Variants in MAST2 observed in about 807,000 individuals in gnomAD.
The protein encoded by MAST2 is microtubule-associated serine/threonine-protein kinase 2.
In MAST2, 70 loss-of-function variants were observed where a neutral mutation model predicts 147.4. The ratio of observed to expected loss-of-function variants is 0.47; its 90% CI spans 0.39 to 0.58. MAST2 has a LOEUF of 0.58. Ranked by LOEUF, MAST2 falls within the 20% of genes least tolerant of loss-of-function variation. The pLI is 0.00. For missense variants in MAST2, 2,080 were observed against 2,302.3 expected, an observed-to-expected ratio of 0.90 and a Z score of 1.98; for synonymous variants, 869 against 896.8, an observed-to-expected ratio of 0.97 and a Z score of 0.55.
intron 5 of MAST2, among the ~76,000 whole-genome samples, chr1:45,985,865 A>G (rs550674264): frequency 4.6e-5 from 7 of 152,306 alleles, no homozygotes; most frequent in Admixed American, 2.0e-4. Flanking sequence ...TTATGCAATT[A>G]TAAGTGGTAT....
intron 5 of MAST2, among the ~76,000 whole-genome samples, chr1:45,964,961 T>A (rs916330790): frequency 6.6e-6 from 1 of 152,206 alleles, no homozygotes; most frequent in Admixed American, 6.5e-5. Flanking sequence ...TATTTCTGCC[T>A]TCATTTCGTT....
At chr1:45,953,142 A>C (rs890890838) in intron 4 of MAST2, among the ~76,000 whole-genome samples, 2 of 152,152 alleles carry the variant, frequency 1.3e-5, no homozygotes, top group African/African-American at 4.8e-5. Flanking sequence ...AGACAAGAAC[A>C]CCTATTAAAC....
At chr1:45,847,665 C>G (rs1248498773) in intron 3 of MAST2, 1 of 395,772 alleles carries the variant, frequency 2.5e-6, no homozygotes, top group African/African-American at 2.1e-5. Context: ...GCAGTCTCAC[C>G]AACCACAAGA....
At chr1:45,917,746 A>G (rs758016598) in intron 4 of MAST2, among the ~76,000 whole-genome samples, 1 of 152,168 alleles carries the variant, frequency 6.6e-6, no homozygotes, top group Non-Finnish European at 1.5e-5. Flanking sequence ...TGAGGCTATT[A>G]TAAGTTGTGT....
chr1:45,825,606 T>A (rs541735542), intron 2 of MAST2, among the ~76,000 whole-genome samples: 13 of 151,606 alleles, frequency 8.6e-5, no homozygotes, highest in African/African-American at 2.2e-4. Context: ...CTAATTTTTT[T>A]ATTTTTGGTA....
At chr1:45,848,842 G>C (rs1436357003) in intron 3 of MAST2, among the ~76,000 whole-genome samples, 1 of 152,004 alleles carries the variant, frequency 6.6e-6, no homozygotes. Flanking sequence ...CCATCATCTT[G>C]GCCCAAAAGC....
chr1:45,932,801 T>A (rs1452775257), intron 4 of MAST2, among the ~76,000 whole-genome samples: 1 of 152,164 alleles, frequency 6.6e-6, no homozygotes, highest in Non-Finnish European at 1.5e-5. Context: ...GGGAAGTTTC[T>A]TCAGGCTGAC....
intron 4 of MAST2, among the ~76,000 whole-genome samples, chr1:45,910,589 T>C (rs1651518080): frequency 6.6e-6 from 1 of 152,220 alleles, no homozygotes; most frequent in African/African-American, 2.4e-5. Context: ...TGTGTGCTAC[T>C]GTTAGGAATA....
Position 46,034,238 on chromosome 1 carries a change from C to T in MAST2, c.3840C>T (p.Tyr1280=), listed in dbSNP as rs1646802862. 1.9e-6 allele frequency: 3 copies of T among 1,613,674 alleles called. No homozygotes were observed. The highest frequency in any genetic ancestry group is 2.5e-6 in the Non-Finnish European group (3 of 1,179,820). The part of the protein sequence containing the change: ...SLSPRSPTQG[Y]RVTPDAVHSV... ...CCCCCCGATCTCCCACTCAAGGCTACCGGGTGACCCCCGATGCTGTGCATT... is the reference window on the plus strand; with the variant it reads ...CCCCCCGATCTCCCACTCAAGGCTATCGGGTGACCCCCGATGCTGTGCATT... Residue 1280 remains tyrosine, a synonymous_variant, in exon 28 of 29, where the codon TAC becomes TAT. Coordinates refer to ENST00000361297, the MANE Select transcript of MAST2 (RefSeq NM_015112.3).
chr1:45,839,793 A>G (rs1434030416), intron 3 of MAST2, among the ~76,000 whole-genome samples: 1 of 152,212 alleles, frequency 6.6e-6, no homozygotes, highest in African/African-American at 2.4e-5. Flanking sequence ...AGGAACAGTA[A>G]TCGGGTCAGT....
rs1215634710 is a variant in MAST2 at position 46,033,935 on chromosome 1, A to G, written c.3671A>G (p.Glu1224Gly). The change falls in exon 27 of 29, where the codon GAA becomes GGA. Residue 1224 changes from glutamate to glycine, a missense_variant. Physicochemically the swap from Glu to Gly is moderately conservative, Grantham distance 98. This residue lies in a region of MAST2 where 1,278 missense variants were observed against 1,304.2 expected (regional missense o/e 0.98). Coordinates refer to ENST00000361297, the MANE Select transcript of MAST2 (RefSeq NM_015112.3). ...SKRSRGKDGQ[E>G]SRKRSSLFRK... ...AGGAGCCGCGGCAAGGATGGGCAAGAAAGGTGAGCCAGGCGCAGTGAAGAG... is the reference window on the plus strand; with the variant it reads ...AGGAGCCGCGGCAAGGATGGGCAAGGAAGGTGAGCCAGGCGCAGTGAAGAG... 2.5e-6 allele frequency: 4 copies of G among 1,613,920 alleles called. No homozygotes were observed. Among genetic ancestry groups the G allele is most frequent in the Non-Finnish European group, 3.4e-6 (4 of 1,179,940 alleles).
intron 5 of MAST2, among the ~76,000 whole-genome samples, chr1:45,991,490 T>C (rs1644853684): frequency 6.6e-6 from 1 of 152,230 alleles, no homozygotes; most frequent in Non-Finnish European, 1.5e-5. Flanking sequence ...AACATTTTAG[T>C]CATATTGAGT....
intron 2 of MAST2, among the ~76,000 whole-genome samples, chr1:45,827,618 C>T (rs1644832720): frequency 6.6e-6 from 1 of 151,666 alleles, no homozygotes; most frequent in Non-Finnish European, 1.5e-5. Context: ...CTACTCTGGG[C>T]TTATGGAAGT....
Position 46,022,029 on chromosome 1 carries a change from A to G in MAST2, c.1370A>G (p.Asp457Gly). Residue 457 changes from aspartate (D) to glycine (G), a missense_variant, in exon 12 of 29, where the codon GAC (aspartate) becomes GGC (glycine). Transcript: ENST00000361297. The stretch of plus-strand genomic sequence containing the variant: ...AAAGAGGGACAAGGGATTAAATGTG[A>G]CATTCCCCGCTACATCGTTAGCCAG... Reference protein sequence around the residue: ...HAKEGQGIKCDIPRYIVSQLG... With the variant: ...HAKEGQGIKCGIPRYIVSQLG... 1 of 1,614,194 alleles carries G rather than the reference A, an allele frequency of 6.2e-7. No individual in the cohort carries two copies. The highest frequency in any genetic ancestry group is 8.5e-7 in the Non-Finnish European group (1 of 1,180,030).
At chr1:46,032,525 TA>T (rs1187154630) in intron 25 of MAST2, 70 bp from the exon 26 acceptor site, 2 of 1,599,916 alleles carry the variant, frequency 1.3e-6, no homozygotes, top group African/African-American at 2.7e-5. Flanking sequence ...GCTCACAGCT[TA>T]ATGTCCAGAA....
At chr1:45,966,725 A>G (rs1309369577) in intron 5 of MAST2, among the ~76,000 whole-genome samples, 1 of 152,188 alleles carries the variant, frequency 6.6e-6, no homozygotes, top group Non-Finnish European at 1.5e-5. Context: ...CTGTCTCAGA[A>G]AAAGAAAAAG....
chr1:45,905,407 G>A (rs1455485433), intron 4 of MAST2, among the ~76,000 whole-genome samples: 1 of 151,412 alleles, frequency 6.6e-6, no homozygotes, highest in East Asian at 2.0e-4. Flanking sequence ...GGCTGGTCTC[G>A]AACTCCTGAC....
intron 3 of MAST2, among the ~76,000 whole-genome samples, chr1:45,880,291 C>G (rs949818923): frequency 5.3e-5 from 8 of 152,002 alleles, no homozygotes; most frequent in African/African-American, 1.9e-4. Context: ...TTGAAGAAGC[C>G]TATGTAAAAA....
chr1:46,015,221 C>G (rs1645885189), intron 10 of MAST2, among the ~76,000 whole-genome samples: 1 of 151,450 alleles, frequency 6.6e-6, no homozygotes. Flanking sequence ...CAAGAGAAAG[C>G]AGGAAAGATC....
Sources: gnomAD v4.1 joint callset for allele counts (sites outside exome capture counted in the v4.1 genomes callset) on GRCh38, gnomAD v4.1.1 for gene constraint, gnomAD v4.1.1 regional missense constraint, MANE v1.5 for transcripts, NCBI Gene and HGNC (gene_info 2026-07-23, HGNC 2026-07-21) for gene names.